The following RAP1GDS1 variants were observed in gnomAD, a reference collection of about 807,000 sequenced individuals.
RAP1GDS1 encodes the protein RAP1, GTP-GDP dissociation stimulator 1.
Under a neutral mutation model 71.1 loss-of-function variants are expected in RAP1GDS1, and 35 were observed. The ratio of observed to expected loss-of-function variants is 0.49; its 90% CI spans 0.38 to 0.65. RAP1GDS1 has a LOEUF of 0.65. Among genes scored for constraint, RAP1GDS1 ranks in the 30% least tolerant of loss-of-function variants. The pLI, the probability that RAP1GDS1 is intolerant of heterozygous loss-of-function variation, is 0.00. For synonymous variants in RAP1GDS1, 229 were observed against 243.1 expected, an observed-to-expected ratio of 0.94 and a Z score of 0.54; for missense variants, 663 against 706.1, an observed-to-expected ratio of 0.94 and a Z score of 0.69.
At chr4:98,333,366 G>C (rs1734267899) in intron 2 of RAP1GDS1, among the ~76,000 whole-genome samples, 1 of 151,830 alleles carries the variant, frequency 6.6e-6, no homozygotes, top group Admixed American at 6.6e-5. Context: ...AAGAAATTTT[G>C]AACTGTTCAT....
chr4:98,359,764 G>A (rs1738455163), intron 4 of RAP1GDS1, among the ~76,000 whole-genome samples: 1 of 152,158 alleles, frequency 6.6e-6, no homozygotes, highest in African/African-American at 2.4e-5. Flanking sequence ...GATATTTTCA[G>A]TTTTGTAGCA....
intron 4 of RAP1GDS1, among the ~76,000 whole-genome samples, chr4:98,362,149 A>C (rs985291337): frequency 2.0e-5 from 3 of 152,310 alleles, no homozygotes; most frequent in African/African-American, 7.2e-5. Flanking sequence ...TTTCTTTCCT[A>C]GTAGACTTCA....
chr4:98,432,602 T>A (rs933003910), intron 12 of RAP1GDS1, among the ~76,000 whole-genome samples: 1 of 152,124 alleles, frequency 6.6e-6, no homozygotes, highest in African/African-American at 2.4e-5. Context: ...GCAAAGATAC[T>A]TTCTAAAAAT....
chr4:98,427,731 C>T (rs1175203192), intron 12 of RAP1GDS1, among the ~76,000 whole-genome samples: 2 of 152,152 alleles, frequency 1.3e-5, no homozygotes, highest in South Asian at 2.1e-4. Context: ...CAAATGAAAA[C>T]ACATCCAATG....
chr4:98,303,965 G>A (rs1430011712), intron 2 of RAP1GDS1, among the ~76,000 whole-genome samples: 2 of 152,082 alleles, frequency 1.3e-5, no homozygotes, highest in South Asian at 4.1e-4. Context: ...TTGGGCTGCT[G>A]TTCCTGTGAT....
At chr4:98,337,900 A>G (rs1273750701) in intron 2 of RAP1GDS1, among the ~76,000 whole-genome samples, 1 of 152,206 alleles carries the variant, frequency 6.6e-6, no homozygotes, top group Admixed American at 6.5e-5. Context: ...GATGTGCTTG[A>G]ATGTTTAATG....
chr4:98,384,805 T>C (rs1742506103), intron 5 of RAP1GDS1, among the ~76,000 whole-genome samples: 1 of 151,790 alleles, frequency 6.6e-6, no homozygotes, highest in African/African-American at 2.4e-5. Context: ...TTGTCAGTAA[T>C]TTTAGCAGTC....
intron 2 of RAP1GDS1, among the ~76,000 whole-genome samples, chr4:98,313,068 CAAAAAAAAAAAAAAAA>C (rs556945198): frequency 1.6e-4 from 6 of 38,178 alleles, no homozygotes; most frequent in African/African-American, 2.4e-4. Context: ...GACTCTGTCT[CAAAAAAAAAAAAAAAA>C]AAAAAAAAAA....
intron 2 of RAP1GDS1, among the ~76,000 whole-genome samples, chr4:98,338,824 C>T (rs913794684): frequency 3.3e-5 from 5 of 151,982 alleles, no homozygotes; most frequent in African/African-American, 1.2e-4. Flanking sequence ...ATTAGTTTAT[C>T]CTCATGAAAC....
chr4:98,369,136 A>G (rs1244207650), intron 4 of RAP1GDS1, among the ~76,000 whole-genome samples: 1 of 152,188 alleles, frequency 6.6e-6, no homozygotes, highest in Non-Finnish European at 1.5e-5. Context: ...ATTCACTGTC[A>G]CAAGAACAGC....
rs151072153 is a variant in RAP1GDS1 at position 98,269,589 on chromosome 4, G to A, written c.4+8020G>A. ...CGTATATCCGATTAGGGGTTAACAC[G>A]TAAAAATAATCAGGAACTCATACAA... On this transcript the variant is annotated intron_variant, in intron 1 of 14. Coordinates refer to ENST00000408927, the MANE Select transcript of RAP1GDS1 (RefSeq NM_001100427.2). 9.9e-5 allele frequency among the ~76,000 whole-genome samples: 15 copies of A among 152,176 alleles called. No individual in the cohort carries two copies. The East Asian group carries it at 2.1e-3, about 22-fold the overall frequency.
At chr4:98,431,068 ATAC>A (rs1750328210) in intron 12 of RAP1GDS1, among the ~76,000 whole-genome samples, 2 of 152,236 alleles carry the variant, frequency 1.3e-5, no homozygotes, top group South Asian at 4.1e-4. Flanking sequence ...GGTTGCCTTT[ATAC>A]CAGGAATATA....
rs535613668 is a variant in RAP1GDS1 at position 98,400,385 on chromosome 4, A to C, written c.638-4092A>C. On this transcript the variant is annotated intron_variant, in intron 6 of 14. Coordinates refer to ENST00000408927, the MANE Select transcript of RAP1GDS1 (RefSeq NM_001100427.2). ...ACACACAATGGAATACTATTCAGCCACCGAAAAGAATGAAATCCTGTTTTC... is the reference window on the plus strand; with the variant it reads ...ACACACAATGGAATACTATTCAGCCCCCGAAAAGAATGAAATCCTGTTTTC... 1.1e-3 allele frequency among the ~76,000 whole-genome samples: 174 copies of C among 152,224 alleles called. 1 individual carries two copies. The South Asian group carries it at 0.018, about 16-fold the overall frequency.
intron 5 of RAP1GDS1, among the ~76,000 whole-genome samples, chr4:98,386,075 A>AACTT (rs1423403496): frequency 3.3e-5 from 5 of 151,828 alleles, no homozygotes; most frequent in African/African-American, 4.8e-5. Flanking sequence ...AAAGACATTT[A>AACTT]ACTTAAAAGA....
chr4:98,313,068 CAAAAAAA>C (rs556945198), intron 2 of RAP1GDS1, among the ~76,000 whole-genome samples: 142 of 38,176 alleles, frequency 3.7e-3, no homozygotes, highest in South Asian at 0.015. Flanking sequence ...GACTCTGTCT[CAAAAAAA>C]AAAAAAAAAA....
rs774416323 is a variant in RAP1GDS1 at position 98,442,156 on chromosome 4, C to T, written c.*39C>T. 6 of 1,602,100 alleles carry T rather than the reference C, an allele frequency of 3.7e-6. No individual in the cohort carries two copies. Among genetic ancestry groups the T allele is most frequent in the South Asian group, 3.3e-5 (3 of 90,534 alleles). On this transcript the variant is annotated 3_prime_UTR_variant, in exon 15 of 15. Coordinates refer to ENST00000408927, the MANE Select transcript of RAP1GDS1 (RefSeq NM_001100427.2). ...CACGGCATCATCCCATCTCTAATTTCCCCTCTGTCCTCCATCCAGCGGCTT... is the reference window on the plus strand; with the variant it reads ...CACGGCATCATCCCATCTCTAATTTTCCCTCTGTCCTCCATCCAGCGGCTT...
chr4:98,361,076 C>CAA (rs1210869882), intron 4 of RAP1GDS1, among the ~76,000 whole-genome samples: 7 of 82,046 alleles, frequency 8.5e-5, no homozygotes, highest in Admixed American at 1.3e-4. Context: ...GACTCTGTCT[C>CAA]AAAAAAAAAA....
intron 1 of RAP1GDS1, among the ~76,000 whole-genome samples, chr4:98,272,327 T>C (rs1037170117): frequency 6.6e-6 from 1 of 152,216 alleles, no homozygotes; most frequent in Non-Finnish European, 1.5e-5. Context: ...AATCCATGCT[T>C]CGGGATTTAT....
chr4:98,371,309 AT>A (rs1351618757), intron 4 of RAP1GDS1, among the ~76,000 whole-genome samples: 2 of 150,536 alleles, frequency 1.3e-5, no homozygotes, highest in Non-Finnish European at 3.0e-5. Flanking sequence ...TAGAGGCAGG[AT>A]TTCACCTTGT....
Sources: gnomAD v4.1 joint callset for allele counts (sites outside exome capture counted in the v4.1 genomes callset) on GRCh38, gnomAD v4.1.1 for gene constraint, MANE v1.5 for transcripts, NCBI Gene and HGNC (gene_info 2026-07-23, HGNC 2026-07-21) for gene names.